Variants in CCNY observed in about 807,000 individuals in gnomAD.
The protein encoded by CCNY is cyclin-Y.
A neutral mutation model predicts 42.8 loss-of-function variants in CCNY; 19 were observed. The ratio of observed to expected loss-of-function variants is 0.44; its 90% CI spans 0.31 to 0.65. The LOEUF is 0.65. Among genes scored for constraint, CCNY ranks in the 30% least tolerant of loss-of-function variants. CCNY has a pLI of 0.07. For missense variants in CCNY, 370 were observed against 437.3 expected, an observed-to-expected ratio of 0.85 and a Z score of 1.37; for synonymous variants, 165 against 162.7, an observed-to-expected ratio of 1.01 and a Z score of -0.11.
intron 1 of CCNY, among the ~76,000 whole-genome samples, chr10:35,477,173 A>G (rs1839532960): frequency 6.6e-6 from 1 of 152,264 alleles, no homozygotes; most frequent in African/African-American, 2.4e-5. Context: ...AGAGTCCAGG[A>G]CCAGATGGAT....
At chr10:35,520,541 A>G (rs1211941578) in intron 4 of CCNY, among the ~76,000 whole-genome samples, 1 of 152,106 alleles carries the variant, frequency 6.6e-6, no homozygotes, top group African/African-American at 2.4e-5. Flanking sequence ...CAAGGTTGTA[A>G]CTGTGAGAAG....
At chr10:35,448,618 G>T (rs1280400825) in intron 1 of CCNY, among the ~76,000 whole-genome samples, 1 of 152,088 alleles carries the variant, frequency 6.6e-6, no homozygotes, top group Non-Finnish European at 1.5e-5. Flanking sequence ...ATACCTGAAG[G>T]ATATGAGAGC....
chr10:35,253,397 G>T (rs2095713278), intron 3 of CCNY, among the ~76,000 whole-genome samples: 1 of 146,914 alleles, frequency 6.8e-6, no homozygotes, highest in African/African-American at 2.5e-5. Context: ...CTACAGGCAT[G>T]CACCAGCATG....
intron 3 of CCNY, among the ~76,000 whole-genome samples, chr10:35,293,391 G>C (rs1564360536): frequency 6.6e-6 from 1 of 152,162 alleles, no homozygotes; most frequent in Non-Finnish European, 1.5e-5. Context: ...GAAATTGGGA[G>C]GAGTGAGTCT....
At chr10:35,372,365 A>G (rs1230102677) in intron 1 of CCNY, among the ~76,000 whole-genome samples, 1 of 152,212 alleles carries the variant, frequency 6.6e-6, no homozygotes, top group Non-Finnish European at 1.5e-5. Flanking sequence ...TTACTCTTCC[A>G]AAAGTCAGTC....
chr10:35,321,853 G>C (rs2135096083), intron 3 of CCNY, among the ~76,000 whole-genome samples: 1 of 152,238 alleles, frequency 6.6e-6, no homozygotes, highest in African/African-American at 2.4e-5. Context: ...ATCAACATTT[G>C]GATCAATGGA....
chr10:35,336,593 C>G lies in CCNY; in HGVS notation c.-461C>G, dbSNP rs1020741318. On this transcript the variant is annotated 5_prime_UTR_variant, in exon 1 of 10. Coordinates refer to ENST00000374704, the MANE Select transcript of CCNY (RefSeq NM_145012.6). Reference sequence around the variant, plus strand: ...CTGCCCGCCCGCTCGTCGGCTAGTCCCGCCGTCCGGCGCGGACACGCGTGC... The same window carrying G: ...CTGCCCGCCCGCTCGTCGGCTAGTCGCGCCGTCCGGCGCGGACACGCGTGC... 4.0e-5 allele frequency among the ~76,000 whole-genome samples: 6 copies of G among 148,586 alleles called. No homozygotes were observed. The highest frequency in any genetic ancestry group is 9.0e-5 in the Non-Finnish European group (6 of 66,620).
intron 7 of CCNY, among the ~76,000 whole-genome samples, chr10:35,550,437 A>G (rs922012944): frequency 4.6e-5 from 7 of 152,010 alleles, no homozygotes; most frequent in Admixed American, 6.5e-5. Context: ...TGCTTCCATT[A>G]AGGATTGTTC....
At chr10:35,501,999 G>C (rs1477463897) in intron 3 of CCNY, among the ~76,000 whole-genome samples, 2 of 152,160 alleles carry the variant, frequency 1.3e-5, no homozygotes, top group African/African-American at 4.8e-5. Flanking sequence ...GTGTTCTTCT[G>C]ATGCTCCAAG....
At chr10:35,564,740 C>T (rs905413937) in intron 8 of CCNY, among the ~76,000 whole-genome samples, 5 of 152,214 alleles carry the variant, frequency 3.3e-5, no homozygotes, top group African/African-American at 1.2e-4. Flanking sequence ...ACCCACTCTG[C>T]CTGAAACACC....
chr10:35,414,803 A>G (rs1345800782), intron 1 of CCNY, among the ~76,000 whole-genome samples: 1 of 152,228 alleles, frequency 6.6e-6, no homozygotes, highest in Non-Finnish European at 1.5e-5. Flanking sequence ...TGGTAGCTCC[A>G]GAATTTTCAC....
At chr10:35,552,980 A>G (rs770053720) in intron 7 of CCNY, 39 bp from the exon 8 acceptor site, 1 of 1,595,174 alleles carries the variant, frequency 6.3e-7, no homozygotes, top group South Asian at 1.1e-5. Flanking sequence ...TTTAGGAGAA[A>G]ACAAATCACT....
chr10:35,569,227 A>G lies in CCNY; in HGVS notation c.*57A>G. The G allele has an allele frequency of 1.9e-6, 2 of 1,076,542 alleles. No individual in the cohort carries two copies. Among genetic ancestry groups the G allele is most frequent in the Non-Finnish European group, 2.9e-6 (2 of 699,834 alleles). The allele number at this position is 1,076,542 out of a possible 1,614,324, so 66.7% of individuals were successfully genotyped here. A position where few individuals can be genotyped will look rare whatever the true frequency, so the allele number is the denominator to read the frequency against. On this transcript the variant is annotated 3_prime_UTR_variant, in exon 10 of 10. Transcript: ENST00000374704. ...CTTAGTTTCTCCTTTAGTTTGAGAA[A>G]AGACAGACTTGGGGTGGGTTTGTTT...
intron 2 of CCNY, among the ~76,000 whole-genome samples, chr10:35,493,036 C>T (rs539080819): frequency 6.0e-4 from 92 of 152,230 alleles, no homozygotes; most frequent in African/African-American, 2.1e-3. Flanking sequence ...CCAGGCCTCG[C>T]CCTGTAAGTC....
intron 2 of CCNY, among the ~76,000 whole-genome samples, chr10:35,486,857 G>C (rs970341396): frequency 1.5e-4 from 23 of 152,158 alleles, no homozygotes; most frequent in African/African-American, 5.3e-4. Context: ...TGTCCTCCAG[G>C]CTCCTCCTGC....
At chr10:35,356,455 A>G (rs551862259) in intron 1 of CCNY, among the ~76,000 whole-genome samples, 5 of 152,282 alleles carry the variant, frequency 3.3e-5, no homozygotes, top group Admixed American at 2.6e-4. Context: ...CCAATTCTCC[A>G]TGACTCCGCG....
intron 1 of CCNY, among the ~76,000 whole-genome samples, chr10:35,406,018 G>C (rs1441665109): frequency 1.3e-5 from 2 of 152,094 alleles, no homozygotes; most frequent in African/African-American, 4.8e-5. Flanking sequence ...TTGTGTGCTG[G>C]AGATGTGGCT....
At chr10:35,561,445 A>G (rs1041796183) in intron 8 of CCNY, among the ~76,000 whole-genome samples, 26 of 152,250 alleles carry the variant, frequency 1.7e-4, no homozygotes, top group African/African-American at 5.5e-4. Context: ...CCCATACTGT[A>G]CGCGTTGTTT....
At chr10:35,423,303 C>T (rs904082119) in intron 1 of CCNY, among the ~76,000 whole-genome samples, 5 of 152,006 alleles carry the variant, frequency 3.3e-5, no homozygotes, top group African/African-American at 4.8e-5. Flanking sequence ...GGCAAAACCC[C>T]GTCTCTACAA....
Sources: allele counts gnomAD v4.1 joint callset (sites outside exome capture counted in the v4.1 genomes callset), GRCh38; gene constraint gnomAD v4.1.1; transcripts MANE v1.5; gene names NCBI Gene and HGNC (gene_info 2026-07-23, HGNC 2026-07-21).